Variants in PRKCA observed in about 807,000 individuals in gnomAD.
PRKCA encodes the protein protein kinase C alpha.
A neutral mutation model predicts 87.0 loss-of-function variants in PRKCA; 27 were observed. The ratio of observed to expected loss-of-function variants is 0.31; its 90% CI spans 0.23 to 0.43. The LOEUF (loss-of-function observed/expected upper bound fraction) is 0.43. PRKCA is among the 20% of genes least tolerant of loss of function. The probability of loss-of-function intolerance (pLI) is 1.00; values close to 1 mark genes in which losing one functional copy is unlikely to be tolerated. For synonymous variants in PRKCA, 329 were observed against 311.1 expected, an observed-to-expected ratio of 1.06 and a Z score of -0.61; for missense variants, 518 against 852.3, an observed-to-expected ratio of 0.61 and a Z score of 4.88.
chr17:66,504,315 G>C (rs563537817), intron 3 of PRKCA, among the ~76,000 whole-genome samples: 11 of 149,958 alleles, frequency 7.3e-5, no homozygotes, highest in African/African-American at 2.7e-4. Context: ...TGGGCCACTA[G>C]CAGTGGCCCA....
intron 2 of PRKCA, among the ~76,000 whole-genome samples, chr17:66,455,049 G>A (rs1305555608): frequency 1.3e-5 from 2 of 152,218 alleles, no homozygotes; most frequent in Admixed American, 1.3e-4. Context: ...ACTGGGGATG[G>A]AGGGAACTGT....
At chr17:66,401,177 A>C (rs938471731) in intron 2 of PRKCA, among the ~76,000 whole-genome samples, 5 of 152,206 alleles carry the variant, frequency 3.3e-5, no homozygotes, top group Admixed American at 6.5e-5. Flanking sequence ...GAAGTGGCAA[A>C]GGAAGGTGGC....
chr17:66,712,693 G>A (rs557240820), intron 8 of PRKCA, among the ~76,000 whole-genome samples: 17 of 152,260 alleles, frequency 1.1e-4, no homozygotes, highest in South Asian at 1.0e-3. Flanking sequence ...AGGGTGTGGC[G>A]AGGAAGTGCC....
chr17:66,710,386 G>A (rs77735928), intron 8 of PRKCA, among the ~76,000 whole-genome samples: 10,164 of 151,998 alleles, frequency 0.067, 375 homozygotes, highest in South Asian at 0.14. Flanking sequence ...AGCACTTCCT[G>A]TGTGTAACAT....
At chr17:66,564,937 G>A (rs62071706) in intron 3 of PRKCA, among the ~76,000 whole-genome samples, 3,672 of 152,156 alleles carry the variant, frequency 0.024, 65 homozygotes, top group Non-Finnish European at 0.039. Flanking sequence ...CCAAGATCAC[G>A]CCACTGCACT....
chr17:66,714,046 G>A lies in PRKCA; in HGVS notation c.919-18642G>A, dbSNP rs143075730. On this transcript the variant is annotated intron_variant, in intron 8 of 16. Transcript: ENST00000413366. Reference sequence around the variant, plus strand: ...ATAATTGTATTAATTTAGACTCCCTGGCTCTCTCCTGGCCCATTGACAAAA... The same window carrying A: ...ATAATTGTATTAATTTAGACTCCCTAGCTCTCTCCTGGCCCATTGACAAAA... Among the ~76,000 whole-genome samples, 453 of 152,214 alleles carry A rather than the reference G, an allele frequency of 3.0e-3. 2 individuals are homozygous for A. Among genetic ancestry groups the A allele is most frequent in the African/African-American group, 9.4e-3 (391 of 41,518 alleles).
chr17:66,538,395 C>G (rs1967862641), intron 3 of PRKCA, among the ~76,000 whole-genome samples: 1 of 152,224 alleles, frequency 6.6e-6, no homozygotes, highest in South Asian at 2.1e-4. Flanking sequence ...CCTCACTCAT[C>G]TGCGTTGGAG....
At chr17:66,375,083 C>T (rs1302566232) in intron 2 of PRKCA, among the ~76,000 whole-genome samples, 1 of 151,972 alleles carries the variant, frequency 6.6e-6, no homozygotes, top group Non-Finnish European at 1.5e-5. Flanking sequence ...GCATGGTATG[C>T]AGCCTTGAGG....
At chr17:66,315,522 C>A (rs997510475) in intron 2 of PRKCA, among the ~76,000 whole-genome samples, 2 of 150,182 alleles carry the variant, frequency 1.3e-5, no homozygotes, top group African/African-American at 4.9e-5. Context: ...CTGTGTTGCC[C>A]AGGCTGGAGT....
chr17:66,320,670 A>G (rs991715793), intron 2 of PRKCA, among the ~76,000 whole-genome samples: 10 of 152,222 alleles, frequency 6.6e-5, no homozygotes, highest in African/African-American at 1.9e-4. Flanking sequence ...ACGAAATTGT[A>G]TATTTTTTCT....
rs1976049661 is a variant in PRKCA, at chr17:66,807,139, G to A, written c.*3102G>A. The A allele has an allele frequency of 6.6e-6, 1 of 152,400 alleles. No individual in the cohort carries two copies. Among genetic ancestry groups the A allele is most frequent in the South Asian group, 2.1e-4 (1 of 4,824 alleles). The allele number at this position is 152,400 out of a possible 1,614,324, so 9.4% of individuals were successfully genotyped here. On this transcript the variant is annotated 3_prime_UTR_variant, in exon 17 of 17. Coordinates refer to ENST00000413366, the MANE Select transcript of PRKCA (RefSeq NM_002737.3). This position sits in a 1 kb window ranked among gnomAD's most constrained non-coding sequence, Gnocchi z 4.3. The stretch of plus-strand genomic sequence containing the variant: ...GTGGAACTGCCGCAGCCACGCAGGA[G>A]GTCCCTGGGGGATGCTTTGGGAAGT...
intron 3 of PRKCA, among the ~76,000 whole-genome samples, chr17:66,542,694 A>C (rs553460104): frequency 1.1e-4 from 17 of 152,302 alleles, no homozygotes; most frequent in Middle Eastern, 3.4e-3. Context: ...TGGAAAGACA[A>C]GTGGGAGCCA....
intron 13 of PRKCA, among the ~76,000 whole-genome samples, chr17:66,759,902 G>GAAAT (rs1974644516): frequency 6.6e-6 from 1 of 152,234 alleles, no homozygotes; most frequent in Admixed American, 6.5e-5. Context: ...GTGTGCGTCT[G>GAAAT]ACAGCAGAGC....
chr17:66,364,806 T>C (rs1254237459), intron 2 of PRKCA, among the ~76,000 whole-genome samples: 1 of 152,226 alleles, frequency 6.6e-6, no homozygotes. Context: ...TCCACTTTTC[T>C]ATCCCATCAT....
intron 3 of PRKCA, among the ~76,000 whole-genome samples, chr17:66,507,442 G>A (rs990075351): frequency 6.6e-6 from 1 of 152,182 alleles, no homozygotes; most frequent in African/African-American, 2.4e-5. Context: ...GTCAGTGAAG[G>A]TTCCATTTTT....
chr17:66,478,498 C>T (rs1281220501), intron 2 of PRKCA, among the ~76,000 whole-genome samples: 1 of 152,134 alleles, frequency 6.6e-6, no homozygotes, highest in Non-Finnish European at 1.5e-5. Context: ...AGGTGATCCA[C>T]CCACCTTGGC....
intron 2 of PRKCA, among the ~76,000 whole-genome samples, chr17:66,405,568 C>G (rs774204664): frequency 7.9e-5 from 12 of 152,126 alleles, no homozygotes; most frequent in Non-Finnish European, 1.3e-4. Flanking sequence ...AAAAACCAAC[C>G]CTTGTGTAAT....
At chr17:66,487,437 T>C (rs555885007) in intron 2 of PRKCA, among the ~76,000 whole-genome samples, 1 of 152,314 alleles carries the variant, frequency 6.6e-6, no homozygotes, top group Admixed American at 6.5e-5. Flanking sequence ...GGGCATTAGG[T>C]TGATTCTGTA....
At chr17:66,523,563 C>T (rs1967242155) in intron 3 of PRKCA, among the ~76,000 whole-genome samples, 1 of 152,136 alleles carries the variant, frequency 6.6e-6, no homozygotes, top group Non-Finnish European at 1.5e-5. Context: ...TAAATATTAG[C>T]TTATGTTTAA....
Sources: gnomAD v4.1 joint callset for allele counts (sites outside exome capture counted in the v4.1 genomes callset) on GRCh38, gnomAD v4.1.1 for gene constraint, Gnocchi (gnomAD v3.1) non-coding constraint, MANE v1.5 for transcripts, NCBI Gene and HGNC (gene_info 2026-07-23, HGNC 2026-07-21) for gene names.